HS2ST1: variants seen among roughly 807,000 people sequenced by gnomAD.
HS2ST1 encodes heparan sulfate 2-O-sulfotransferase 1.
HS2ST1 carries 18 observed loss-of-function variants against 42.9 expected under a neutral mutation model. The ratio of observed to expected loss-of-function variants is 0.42; its 90% confidence interval spans 0.29 to 0.62. HS2ST1 has a LOEUF of 0.62. Ranked by LOEUF, HS2ST1 falls within the 20% of genes least tolerant of loss-of-function variation. The pLI is 0.21. For synonymous variants in HS2ST1, 146 were observed against 152.9 expected (o/e 0.95, Z 0.33); for missense variants, 334 against 433.8 (o/e 0.77, Z 2.04).
intron 1 of HS2ST1, among the ~76,000 whole-genome samples, chr1:87,004,863 T>C (rs1345667246): frequency 6.6e-6 from 1 of 152,204 alleles, no homozygotes; most frequent in African/African-American, 2.4e-5. Flanking sequence ...GTTTTTGATA[T>C]CAGTCCCCTG....
intron 1 of HS2ST1, among the ~76,000 whole-genome samples, chr1:87,026,178 C>T (rs1002366522): frequency 2.6e-5 from 4 of 152,082 alleles, no homozygotes; most frequent in Non-Finnish European, 4.4e-5. Context: ...TATGTTCATT[C>T]GATTTTGGTA....
chr1:86,946,690 G>A lies in HS2ST1; in HGVS notation c.124+31530G>A, dbSNP rs567433718. ...TAGGCCCCCCTGGCAACAAAAATAG[G>A]CAAAATATTCTTGTGCTTTGGAAAT... On this transcript the variant is annotated intron_variant, in intron 1 of 6. Transcript: ENST00000370550. Among the ~76,000 whole-genome samples the A allele has an allele frequency of 1.2e-3, 183 of 152,198 alleles. 1 individual carries two copies. The highest frequency in any genetic ancestry group is 4.1e-3 in the African/African-American group (172 of 41,510).
In HS2ST1 at chr1:87,109,495, CTT is replaced by C. The variant is rs1343440786; in HGVS notation, c.*4800_*4801del. 6 of 151,668 alleles carry C rather than the reference CTT, an allele frequency of 4.0e-5. No individual in the cohort carries two copies. The highest frequency in any genetic ancestry group is 1.2e-4 in the African/African-American group (5 of 41,336). 9.4% of individuals were successfully genotyped at this position (151,668 alleles called of 1,614,324 possible). Reference sequence around the variant, plus strand: ...TAGAATTAAAAAAATTTGAAAGTAACTTAATCTAACATTTATGGCACAGTTTG... The same window carrying C: ...TAGAATTAAAAAAATTTGAAAGTAACAATCTAACATTTATGGCACAGTTTG... On this transcript the variant is annotated 3_prime_UTR_variant, in exon 7 of 7. Coordinates refer to ENST00000370550, the MANE Select transcript of HS2ST1 (RefSeq NM_012262.4).
chr1:86,930,474 C>T (rs1450885815), intron 1 of HS2ST1, among the ~76,000 whole-genome samples: 1 of 151,748 alleles, frequency 6.6e-6, no homozygotes, highest in Non-Finnish European at 1.5e-5. Context: ...AGCGTAATAC[C>T]CCATAGGTGG....
At chr1:86,941,159 A>G (rs892054575) in intron 1 of HS2ST1, among the ~76,000 whole-genome samples, 1 of 152,152 alleles carries the variant, frequency 6.6e-6, no homozygotes, top group Non-Finnish European at 1.5e-5. Context: ...TGGCAAAATT[A>G]TGTCATTGGT....
At position 87,104,477 on chromosome 1, in the gene HS2ST1, A is replaced by G. The variant is rs190544979; in HGVS notation, c.852A>G (p.Lys284=). ...GATELYRTGK[K]SHLRKTTEKK... is the part of the protein sequence containing the mutation. ...TTCCCCCTTTGTAAGTAGGAAAGAA[A>G]TCTCATCTTAGGAAAACCACAGAGA... The change falls in exon 7 of 7, where the codon AAA becomes AAG. Residue 284 remains lysine, a synonymous_variant. Transcript: ENST00000370550. The G allele has an allele frequency of 5.6e-5, 90 of 1,604,550 alleles. No individual in the cohort carries two copies. In the East Asian group the frequency reaches 6.0e-4, roughly 11 times the overall value.
At chr1:87,058,419 AT>A (rs1470616162) in intron 1 of HS2ST1, among the ~76,000 whole-genome samples, 1 of 150,766 alleles carries the variant, frequency 6.6e-6, no homozygotes, top group East Asian at 1.9e-4. Context: ...ATTTTTATGG[AT>A]TTTCTCTTAG....
chr1:86,974,139 G>T (rs1648319630), intron 1 of HS2ST1, among the ~76,000 whole-genome samples: 2 of 152,032 alleles, frequency 1.3e-5, no homozygotes, highest in Admixed American at 1.3e-4. Flanking sequence ...TGTTCTAATG[G>T]GGTGACACTT....
intron 1 of HS2ST1, among the ~76,000 whole-genome samples, chr1:86,924,846 T>C (rs1334979455): frequency 6.6e-6 from 1 of 152,206 alleles, no homozygotes; most frequent in African/African-American, 2.4e-5. Context: ...TTGGAGACAT[T>C]TTCCCCATTG....
intron 1 of HS2ST1, among the ~76,000 whole-genome samples, chr1:87,013,179 T>A (rs1029095418): frequency 2.6e-5 from 4 of 152,218 alleles, no homozygotes; most frequent in Admixed American, 2.6e-4. Context: ...CCACAGAGCA[T>A]TTCCCTTCCA....
chr1:86,955,427 G>A (rs1031113465), intron 1 of HS2ST1, among the ~76,000 whole-genome samples: 6 of 152,052 alleles, frequency 3.9e-5, no homozygotes, highest in African/African-American at 1.4e-4. Context: ...CTAATCCCAG[G>A]TGGAACAGTT....
intron 2 of HS2ST1, among the ~76,000 whole-genome samples, chr1:87,082,122 T>TCTA (rs1651708520): frequency 6.6e-6 from 1 of 152,158 alleles, no homozygotes; most frequent in Non-Finnish European, 1.5e-5. Context: ...TATGAGCAAC[T>TCTA]ATATGCCAAT....
At chr1:87,066,652 G>A (rs1415476171) in intron 1 of HS2ST1, among the ~76,000 whole-genome samples, 1 of 152,002 alleles carries the variant, frequency 6.6e-6, no homozygotes, top group Non-Finnish European at 1.5e-5. Context: ...GTATACCTGT[G>A]CCATGGTGGT....
intron 1 of HS2ST1, among the ~76,000 whole-genome samples, chr1:87,026,645 G>T (rs1313281576): frequency 6.6e-6 from 1 of 152,016 alleles, no homozygotes; most frequent in Non-Finnish European, 1.5e-5. Flanking sequence ...TAGTTACAAG[G>T]TTTAAATTCT....
At chr1:86,927,852 A>G (rs749119280) in intron 1 of HS2ST1, among the ~76,000 whole-genome samples, 5 of 152,164 alleles carry the variant, frequency 3.3e-5, no homozygotes, top group Non-Finnish European at 5.9e-5. Context: ...TAGTCCCTGT[A>G]TGCTGTGAAG....
At chr1:87,016,707 A>G (rs1450085501) in intron 1 of HS2ST1, among the ~76,000 whole-genome samples, 3 of 152,184 alleles carry the variant, frequency 2.0e-5, no homozygotes, top group Non-Finnish European at 4.4e-5. Flanking sequence ...ACTAAATTGA[A>G]TGTAGCAACC....
rs186713336 is a variant in HS2ST1, at chr1:86,994,227, C to T, written c.125-78707C>T. ...TATAATCATTTCATCATTATATAAT[C>T]CATTCAGTATGATTGCATTTCCTCC... On this transcript the variant is annotated intron_variant, in intron 1 of 6. Coordinates refer to ENST00000370550, the MANE Select transcript of HS2ST1 (RefSeq NM_012262.4). Among the ~76,000 whole-genome samples, 381 of 152,236 alleles carry T rather than the reference C, an allele frequency of 2.5e-3. 2 individuals are homozygous for T. Among genetic ancestry groups the T allele is most frequent in the Admixed American group, 5.1e-3 (78 of 15,294 alleles).
chr1:86,972,016 GAGA>G (rs1364542572), intron 1 of HS2ST1, among the ~76,000 whole-genome samples: 2 of 152,112 alleles, frequency 1.3e-5, no homozygotes, highest in Non-Finnish European at 2.9e-5. Flanking sequence ...GATTTACATA[GAGA>G]AGATGTTCAG....
intron 1 of HS2ST1, among the ~76,000 whole-genome samples, chr1:87,065,653 C>A (rs1651230372): frequency 6.6e-6 from 1 of 152,142 alleles, no homozygotes; most frequent in East Asian, 1.9e-4. Context: ...ATTTTCTCAT[C>A]ATATTCTCAA....
Sources: gnomAD v4.1 joint callset for allele counts (sites outside exome capture counted in the v4.1 genomes callset) on GRCh38, gnomAD v4.1.1 for gene constraint, MANE v1.5 for transcripts, NCBI Gene and HGNC (gene_info 2026-07-23, HGNC 2026-07-21) for gene names.